HS6ST3: variants seen among roughly 807,000 people sequenced by gnomAD.
HS6ST3 encodes heparan sulfate 6-O-sulfotransferase 3.
HS6ST3 carries 12 observed loss-of-function variants against 36.7 expected under a neutral mutation model. The observed-to-expected ratio is 0.33, with a 90% CI of 0.21 to 0.53. HS6ST3 has a LOEUF of 0.53. Among genes scored for constraint, HS6ST3 ranks in the 20% least tolerant of loss-of-function variants. The probability of loss-of-function intolerance (pLI) is 0.95; values close to 1 mark genes in which losing one functional copy is unlikely to be tolerated. For synonymous variants in HS6ST3, 240 were observed against 257.5 expected, an observed-to-expected ratio of 0.93 and a Z score of 0.65; for missense variants, 584 against 640.9, an observed-to-expected ratio of 0.91 and a Z score of 0.96.
rs1047917264 is a variant in HS6ST3 at position 96,597,822 on chromosome 13, C to T, written c.708-234668C>T. ...TGATTTAAGATCTTAGATGTAAGTC[C>T]TTATTCCATCTTGAGTTAATTTTTG... On this transcript the variant is annotated intron_variant, in intron 1 of 1. Transcript: ENST00000376705. 2.0e-5 allele frequency among the ~76,000 whole-genome samples: 3 copies of T among 151,866 alleles called. No homozygotes were observed. The East Asian group carries it at 5.8e-4, about 29-fold the overall frequency.
chr13:96,656,055 A>G (rs1238253366), intron 1 of HS6ST3, among the ~76,000 whole-genome samples: 1 of 152,192 alleles, frequency 6.6e-6, no homozygotes, highest in Non-Finnish European at 1.5e-5. Context: ...TAATCCCCTC[A>G]AGAGCTTCCA....
intron 1 of HS6ST3, among the ~76,000 whole-genome samples, chr13:96,388,097 A>T (rs2055377516): frequency 6.6e-6 from 1 of 152,224 alleles, no homozygotes; most frequent in Admixed American, 6.5e-5. Context: ...TCTGGAAAAT[A>T]AATGTCAAGG....
intron 1 of HS6ST3, among the ~76,000 whole-genome samples, chr13:96,415,528 C>G (rs1407398034): frequency 6.6e-6 from 1 of 152,210 alleles, no homozygotes; most frequent in Non-Finnish European, 1.5e-5. Flanking sequence ...CTTAATGAAG[C>G]AGCTTAGGCA....
intron 1 of HS6ST3, among the ~76,000 whole-genome samples, chr13:96,613,977 T>C (rs2056464658): frequency 6.6e-6 from 1 of 152,162 alleles, no homozygotes; most frequent in Non-Finnish European, 1.5e-5. Flanking sequence ...GTTCACATTC[T>C]GTGAGACAGA....
intron 1 of HS6ST3, among the ~76,000 whole-genome samples, chr13:96,756,126 T>C (rs933820167): frequency 6.6e-6 from 1 of 152,232 alleles, no homozygotes; most frequent in Admixed American, 6.5e-5. Flanking sequence ...TATCTTCTCT[T>C]CTTGGCCGAT....
chr13:96,783,874 T>G (rs1877580784), intron 1 of HS6ST3, among the ~76,000 whole-genome samples: 1 of 152,142 alleles, frequency 6.6e-6, no homozygotes, highest in Non-Finnish European at 1.5e-5. Flanking sequence ...ATATTTGGTG[T>G]GTCATTGATC....
At chr13:96,534,294 A>G (rs2056146837) in intron 1 of HS6ST3, among the ~76,000 whole-genome samples, 1 of 152,222 alleles carries the variant, frequency 6.6e-6, no homozygotes, top group Non-Finnish European at 1.5e-5. Flanking sequence ...ATTTAGAGCC[A>G]TCTCTTTTCT....
chr13:96,722,968 C>A (rs1456352792), intron 1 of HS6ST3, among the ~76,000 whole-genome samples: 2 of 150,574 alleles, frequency 1.3e-5, no homozygotes. Flanking sequence ...TAGAGCAAGA[C>A]CCTGTCTCAA....
At chr13:96,347,074 G>A (rs1251000011) in intron 1 of HS6ST3, among the ~76,000 whole-genome samples, 1 of 152,148 alleles carries the variant, frequency 6.6e-6, no homozygotes, top group Non-Finnish European at 1.5e-5. Context: ...TGAGGCTACA[G>A]ATAAGACTGG....
At chr13:96,104,850 G>C (rs923246419) in intron 1 of HS6ST3, among the ~76,000 whole-genome samples, 1 of 152,084 alleles carries the variant, frequency 6.6e-6, no homozygotes, top group Non-Finnish European at 1.5e-5. Context: ...GGTGTGGCCT[G>C]CTTCTTATTT....
rs553320328 is a variant in HS6ST3 at position 96,703,796 on chromosome 13, G to A, written c.708-128694G>A. 5.8e-4 allele frequency among the ~76,000 whole-genome samples: 88 copies of A among 152,234 alleles called. 1 individual carries two copies. Among genetic ancestry groups the A allele is most frequent in the Non-Finnish European group, 1.1e-3 (73 of 68,012 alleles). ...AATTTCATCTCAAATTGTAATCCCC[G>A]TTTATCAAGGGAGGGACCTGGTAGG... is the stretch of plus-strand genomic sequence containing the variant. On this transcript the variant is annotated intron_variant, in intron 1 of 1. Transcript: ENST00000376705.
In HS6ST3 at chr13:96,766,648, T is replaced by C. The variant is rs544187494; in HGVS notation, c.708-65842T>C. Among the ~76,000 whole-genome samples, 6 of 152,326 alleles carry C rather than the reference T, an allele frequency of 3.9e-5. No individual in the cohort carries two copies. In the South Asian group the frequency reaches 1.2e-3, roughly 32 times the overall value. Reference sequence around the variant, plus strand: ...CAGTTTTCTCTGAGGATAAGCTTCCTTTGGGGTGTCACAGAGAAATATTTC... The same window carrying C: ...CAGTTTTCTCTGAGGATAAGCTTCCCTTGGGGTGTCACAGAGAAATATTTC... On this transcript the variant is annotated intron_variant, in intron 1 of 1. Transcript: ENST00000376705.
chr13:96,131,490 G>T (rs2053975453), intron 1 of HS6ST3, among the ~76,000 whole-genome samples: 1 of 152,070 alleles, frequency 6.6e-6, no homozygotes, highest in African/African-American at 2.4e-5. Flanking sequence ...TATGTATGTT[G>T]TGGAATGACT....
chr13:96,507,114 T>C (rs935722438), intron 1 of HS6ST3, among the ~76,000 whole-genome samples: 9 of 152,170 alleles, frequency 5.9e-5, no homozygotes, highest in Non-Finnish European at 1.2e-4. Flanking sequence ...GGTTTCTTCT[T>C]ACTATTTCCG....
At chr13:96,610,911 T>C (rs1264858276) in intron 1 of HS6ST3, among the ~76,000 whole-genome samples, 1 of 151,318 alleles carries the variant, frequency 6.6e-6, no homozygotes, top group African/African-American at 2.4e-5. Flanking sequence ...GCTTGAAAGA[T>C]ATACTGGCAT....
intron 1 of HS6ST3, among the ~76,000 whole-genome samples, chr13:96,626,369 G>A (rs183475981): frequency 1.3e-5 from 2 of 152,100 alleles, no homozygotes; most frequent in African/African-American, 4.8e-5. Context: ...ACTACTTATT[G>A]AAAAATCTAC....
At chr13:96,618,287 G>A (rs2056481895) in intron 1 of HS6ST3, among the ~76,000 whole-genome samples, 1 of 152,008 alleles carries the variant, frequency 6.6e-6, no homozygotes, top group Non-Finnish European at 1.5e-5. Context: ...TTTTTGTAAA[G>A]ACAGGGTCTT....
intron 1 of HS6ST3, among the ~76,000 whole-genome samples, chr13:96,392,261 A>G (rs1339218087): frequency 4.6e-5 from 7 of 152,206 alleles, no homozygotes; most frequent in Non-Finnish European, 8.8e-5. Context: ...TGACCTGGCC[A>G]CATTAAATAA....
chr13:96,832,995 A>C lies in HS6ST3; in HGVS notation c.1213A>C (p.Met405Leu), dbSNP rs1369357269. 1 of 1,614,134 alleles carries C rather than the reference A, an allele frequency of 6.2e-7. No homozygotes were observed. Among genetic ancestry groups the C allele is most frequent in the Admixed American group, 1.7e-5 (1 of 60,026 alleles). ...QRIEDLNFLD[M>L]QLYEYAKDLF... is the part of the protein sequence containing the mutation. ...CATTGAGGATCTAAACTTCCTGGAC[A>C]TGCAGCTTTACGAGTATGCAAAAGA... Residue 405 changes from methionine to leucine, a missense_variant, in exon 2 of 2, where the codon ATG becomes CTG. Around this residue, in one of 3 missense-constraint regions of HS6ST3, gnomAD observed 360 missense variants for 411.3 expected, o/e 0.88. Transcript: ENST00000376705.
Sources: gnomAD v4.1 joint callset for allele counts (sites outside exome capture counted in the v4.1 genomes callset) on GRCh38, gnomAD v4.1.1 for gene constraint, gnomAD v4.1.1 regional missense constraint, MANE v1.5 for transcripts, NCBI Gene and HGNC (gene_info 2026-07-23, HGNC 2026-07-21) for gene names.